The following MCF2L2 variants were observed in gnomAD, a reference collection of about 807,000 sequenced individuals.
MCF2L2 encodes the protein MCF.2 cell line derived transforming sequence-like 2.
Under a neutral mutation model 150.2 loss-of-function variants are expected in MCF2L2, and 102 were observed. The ratio of observed to expected loss-of-function variants is 0.68; its 90% CI spans 0.58 to 0.80. MCF2L2 has a LOEUF of 0.80. MCF2L2 is among the 30% of genes least tolerant of loss of function. MCF2L2 has a pLI of 0.00. For synonymous variants in MCF2L2, 465 were observed against 491.3 expected (o/e 0.95, Z 0.71); for missense variants, 1,256 against 1,372.8 (o/e 0.91, Z 1.34).
intron 15 of MCF2L2, among the ~76,000 whole-genome samples, chr3:183,268,316 G>C (rs1265118889): frequency 1.3e-5 from 2 of 152,220 alleles, no homozygotes; most frequent in African/African-American, 4.8e-5. Flanking sequence ...CTCTGAAGGA[G>C]TTAAAAGAGC....
chr3:183,230,136 C>G (rs534788984), intron 16 of MCF2L2, among the ~76,000 whole-genome samples: 3 of 152,010 alleles, frequency 2.0e-5, no homozygotes, highest in Admixed American at 1.3e-4. Context: ...AATATTGAGA[C>G]GAAGTTTTGC....
At chr3:183,304,941 A>G (rs953396202) in intron 10 of MCF2L2, among the ~76,000 whole-genome samples, 4 of 152,242 alleles carry the variant, frequency 2.6e-5, no homozygotes, top group Non-Finnish European at 5.9e-5. Context: ...CATGTTCCAT[A>G]GCCCAGAATT....
At position 183,359,962 on chromosome 3, in the gene MCF2L2, T is replaced by C. The variant is rs138763474; in HGVS notation, c.276-18332A>G. On this transcript the variant is annotated intron_variant, in intron 3 of 29. Coordinates refer to ENST00000328913, the MANE Select transcript of MCF2L2 (RefSeq NM_015078.4). Reference sequence around the variant, plus strand: ...ATCACGAAGCTGGAAAACGTGGGTATTGAAATTTTTAACATTGATTATGAG... The same window carrying C: ...ATCACGAAGCTGGAAAACGTGGGTACTGAAATTTTTAACATTGATTATGAG... Among the ~76,000 whole-genome samples the C allele has an allele frequency of 1.1e-3, 162 of 152,326 alleles. 2 individuals are homozygous for C. Among genetic ancestry groups the C allele is most frequent in the Admixed American group, 3.4e-3 (52 of 15,304 alleles).
chr3:183,389,037 C>T (rs913389578), intron 2 of MCF2L2, among the ~76,000 whole-genome samples: 3 of 152,180 alleles, frequency 2.0e-5, no homozygotes, highest in African/African-American at 7.2e-5. Context: ...AATGTCACCA[C>T]TTCATTCTCC....
chr3:183,369,500 T>C (rs1016319322), intron 3 of MCF2L2, among the ~76,000 whole-genome samples: 2 of 152,136 alleles, frequency 1.3e-5, no homozygotes, highest in Non-Finnish European at 2.9e-5. Context: ...ATGAGACCCA[T>C]GAAGGGGCAA....
At chr3:183,326,166 C>T (rs575357344) in intron 5 of MCF2L2, among the ~76,000 whole-genome samples, 1 of 152,192 alleles carries the variant, frequency 6.6e-6, no homozygotes, top group African/African-American at 2.4e-5. Flanking sequence ...TAGACCCACA[C>T]AAATACGATC....
intron 18 of MCF2L2, chr3:183,224,503 T>G: frequency 4.5e-6 from 1 of 224,148 alleles, no homozygotes; most frequent in East Asian, 9.7e-5. Flanking sequence ...TTTCCTGCCC[T>G]TTGTCCAGGA....
intron 18 of MCF2L2, 112 bp downstream of exon 18, chr3:183,228,185 A>T: frequency 1.4e-6 from 1 of 739,014 alleles, no homozygotes; most frequent in Non-Finnish European, 2.4e-6. Context: ...TTGGAGTCGG[A>T]GGGAAGCAGA....
At chr3:183,356,297 G>A (rs1377930136) in intron 3 of MCF2L2, among the ~76,000 whole-genome samples, 3 of 151,562 alleles carry the variant, frequency 2.0e-5, no homozygotes, top group Admixed American at 6.6e-5. Flanking sequence ...GGCTGATCAC[G>A]AGGTCAAGAG....
chr3:183,277,872 A>G (rs1315798798), intron 14 of MCF2L2, among the ~76,000 whole-genome samples: 1 of 151,950 alleles, frequency 6.6e-6, no homozygotes, highest in East Asian at 1.9e-4. Context: ...GGGACCAGAT[A>G]ATATTTTTCA....
At position 183,181,469 on chromosome 3, in the gene MCF2L2, G is replaced by A. The variant is rs144710586; in HGVS notation, c.3017-1310C>T. Among the ~76,000 whole-genome samples the A allele has an allele frequency of 4.3e-3, 658 of 152,210 alleles. 5 individuals carry two copies. The highest frequency in any genetic ancestry group is 0.014 in the African/African-American group (569 of 41,534). On this transcript the variant is annotated intron_variant, in intron 27 of 29. Transcript: ENST00000328913. This position sits in a 1 kb window ranked among gnomAD's most constrained non-coding sequence, Gnocchi z 4.3. ...GTCCCAGGAGGTGGGAGGGGCAAGGGGTGGAGGGCAGAGGAGAAACTGCCT... is the reference window on the plus strand; with the variant it reads ...GTCCCAGGAGGTGGGAGGGGCAAGGAGTGGAGGGCAGAGGAGAAACTGCCT...
chr3:183,287,080 T>C (rs1014815318), intron 14 of MCF2L2, among the ~76,000 whole-genome samples: 1 of 152,210 alleles, frequency 6.6e-6, no homozygotes, highest in Non-Finnish European at 1.5e-5. Context: ...CTAGGGCTTC[T>C]TGGATTCTAC....
intron 4 of MCF2L2, 62 bp from the exon 5 acceptor site, chr3:183,338,981 C>G (rs1730600331): frequency 1.3e-6 from 2 of 1,517,008 alleles, no homozygotes; most frequent in Non-Finnish European, 1.8e-6. Flanking sequence ...TTACCAGGGT[C>G]TACTTTGGTC....
chr3:183,190,414 T>C (rs1479299481), intron 27 of MCF2L2, among the ~76,000 whole-genome samples: 1 of 152,196 alleles, frequency 6.6e-6, no homozygotes, highest in Non-Finnish European at 1.5e-5. Flanking sequence ...TTCAGTCAGG[T>C]TCCCCAGAAG....
At chr3:183,385,175 T>G (rs1041244131) in intron 2 of MCF2L2, among the ~76,000 whole-genome samples, 4 of 152,236 alleles carry the variant, frequency 2.6e-5, no homozygotes, top group Non-Finnish European at 5.9e-5. Flanking sequence ...AAATTTAAAA[T>G]ATATAATTAA....
At chr3:183,387,059 C>A (rs960667967) in intron 2 of MCF2L2, among the ~76,000 whole-genome samples, 2 of 152,086 alleles carry the variant, frequency 1.3e-5, no homozygotes, top group South Asian at 2.1e-4. Flanking sequence ...AGTTCCAGAC[C>A]AGCCTGGGCA....
chr3:183,179,355 A>G lies in MCF2L2; in HGVS notation c.*25T>C, dbSNP rs1010960499. The G allele has an allele frequency of 4.9e-6, 7 of 1,418,950 alleles. No homozygotes were observed. The highest frequency in any genetic ancestry group is 5.5e-6 in the Non-Finnish European group (6 of 1,088,366). 87.9% of individuals were successfully genotyped at this position (1,418,950 alleles called of 1,614,324 possible). A position where few individuals can be genotyped will look rare whatever the true frequency, so the allele number is the denominator to read the frequency against. ...CGGGAATGCGGGCGCTCTGGAGCCG[A>G]GGAGCGGGGGCGTCCGCAGGGAGGT... On this transcript the variant is annotated 3_prime_UTR_variant, in exon 30 of 30. Coordinates refer to ENST00000328913, the MANE Select transcript of MCF2L2 (RefSeq NM_015078.4). The surrounding 1 kb of genome is among the most constrained non-coding windows in gnomAD (Gnocchi z 4.2).
chr3:183,195,081 C>T (rs575284), intron 26 of MCF2L2, 141 bp downstream of exon 26: 3 of 727,164 alleles, frequency 4.1e-6, no homozygotes, highest in Non-Finnish European at 6.8e-6. Flanking sequence ...CTGCGCCCAG[C>T]CAATATTTTT....
chr3:183,290,234 G>A (rs1169084714), intron 13 of MCF2L2, among the ~76,000 whole-genome samples: 3 of 152,114 alleles, frequency 2.0e-5, no homozygotes, highest in Non-Finnish European at 4.4e-5. Context: ...GGCCATGCCT[G>A]CTGCTCTTGC....
Sources: allele counts gnomAD v4.1 joint callset (sites outside exome capture counted in the v4.1 genomes callset), GRCh38; gene constraint gnomAD v4.1.1; non-coding constraint Gnocchi (gnomAD v3.1); transcripts MANE v1.5; gene names NCBI Gene and HGNC (gene_info 2026-07-23, HGNC 2026-07-21).